The following ANGPT1 variants were observed in gnomAD, a reference collection of about 807,000 sequenced individuals.
ANGPT1 encodes angiopoietin 1.
ANGPT1 carries 17 observed loss-of-function variants against 62.2 expected under a neutral mutation model. That is an observed-to-expected ratio of 0.27 (90% CI 0.19 to 0.41). ANGPT1 has a LOEUF of 0.41. Among genes scored for constraint, ANGPT1 ranks in the 10% least tolerant of loss-of-function variants. The pLI is 1.00. For missense variants in ANGPT1, 478 were observed against 594.9 expected, an observed-to-expected ratio of 0.80 and a Z score of 2.04; for synonymous variants, 199 against 198.9, an observed-to-expected ratio of 1.00 and a Z score of 0.00.
chr8:107,416,673 C>A (rs1810756713), intron 1 of ANGPT1, among the ~76,000 whole-genome samples: 1 of 152,142 alleles, frequency 6.6e-6, no homozygotes, highest in African/African-American at 2.4e-5. Flanking sequence ...GAGGGGAACC[C>A]AGCAAGACCT....
At chr8:107,366,293 G>T (rs147330198) in intron 1 of ANGPT1, among the ~76,000 whole-genome samples, 2 of 152,168 alleles carry the variant, frequency 1.3e-5, no homozygotes, top group Non-Finnish European at 2.9e-5. Context: ...AAATGGGAGA[G>T]CAGAGATTAG....
chr8:107,290,815 A>G (rs1019640952), intron 6 of ANGPT1, among the ~76,000 whole-genome samples: 1 of 152,210 alleles, frequency 6.6e-6, no homozygotes, highest in African/African-American at 2.4e-5. Context: ...ATGATTAAAG[A>G]ATTTCAGTTT....
chr8:107,470,041 A>G (rs2130495211), intron 1 of ANGPT1, among the ~76,000 whole-genome samples: 1 of 152,204 alleles, frequency 6.6e-6, no homozygotes, highest in African/African-American at 2.4e-5. Context: ...AATCTGTAAA[A>G]TGTTCCTTAT....
intron 1 of ANGPT1, among the ~76,000 whole-genome samples, chr8:107,455,353 A>C (rs1005570842): frequency 6.6e-6 from 1 of 152,112 alleles, no homozygotes; most frequent in South Asian, 2.1e-4. Context: ...GTTGTCTTAC[A>C]TATTAAACTA....
chr8:107,259,279 G>C (rs1813438894), intron 8 of ANGPT1, among the ~76,000 whole-genome samples: 1 of 152,042 alleles, frequency 6.6e-6, no homozygotes, highest in Admixed American at 6.5e-5. Flanking sequence ...CAAAGATCTT[G>C]TCACTTCAAG....
At chr8:107,379,141 A>C (rs1350471293) in intron 1 of ANGPT1, among the ~76,000 whole-genome samples, 1 of 152,098 alleles carries the variant, frequency 6.6e-6, no homozygotes, top group Non-Finnish European at 1.5e-5. Flanking sequence ...ATATTTTTTC[A>C]TGAAAACTGC....
chr8:107,442,202 C>T (rs567701184), intron 1 of ANGPT1, among the ~76,000 whole-genome samples: 3 of 152,132 alleles, frequency 2.0e-5, no homozygotes, highest in East Asian at 1.9e-4. Flanking sequence ...TGCTCATGCA[C>T]GTACCTCCTT....
intron 1 of ANGPT1, among the ~76,000 whole-genome samples, chr8:107,491,979 C>G (rs1812970217): frequency 6.6e-6 from 1 of 152,180 alleles, no homozygotes. Context: ...AAAACCTGAG[C>G]TCTCTCAATG....
At chr8:107,388,337 C>T (rs1486826696) in intron 1 of ANGPT1, among the ~76,000 whole-genome samples, 1 of 152,096 alleles carries the variant, frequency 6.6e-6, no homozygotes, top group Non-Finnish European at 1.5e-5. Context: ...ATCACTTGAG[C>T]CCAAGAATTT....
intron 1 of ANGPT1, among the ~76,000 whole-genome samples, chr8:107,371,991 A>G (rs866003491): frequency 3.9e-5 from 6 of 152,278 alleles, no homozygotes; most frequent in Middle Eastern, 3.4e-3. Context: ...CATTGAAAAT[A>G]TATGTATCAT....
chr8:107,352,629 T>C (rs1435185134), intron 1 of ANGPT1, among the ~76,000 whole-genome samples: 5 of 152,202 alleles, frequency 3.3e-5, no homozygotes, highest in African/African-American at 1.2e-4. Flanking sequence ...AAGGGGTCTC[T>C]TAAACCAGAG....
chr8:107,445,912 T>C (rs1386436289), intron 1 of ANGPT1, among the ~76,000 whole-genome samples: 8 of 152,156 alleles, frequency 5.3e-5, no homozygotes, highest in Admixed American at 2.0e-4. Context: ...AATTAATTAA[T>C]TAATTAACTA....
chr8:107,375,602 T>C (rs534776398), intron 1 of ANGPT1, among the ~76,000 whole-genome samples: 37 of 152,172 alleles, frequency 2.4e-4, no homozygotes, highest in Non-Finnish European at 3.8e-4. Context: ...ATATGTGTAT[T>C]GAGCACACAT....
rs565401562 is a variant in ANGPT1 at position 107,385,841 on chromosome 8, C to T, written c.298-38744G>A. 3.9e-5 allele frequency among the ~76,000 whole-genome samples: 6 copies of T among 152,070 alleles called. No individual in the cohort carries two copies. The East Asian group carries it at 1.2e-3, about 29-fold the overall frequency. ...CTTGTTGATGGTTTTTAGCATGAAG[C>T]CATGTTGTATTGTATCAAAAGCCTT... On this transcript the variant is annotated intron_variant, in intron 1 of 8. Transcript: ENST00000517746.
chr8:107,370,603 T>A (rs1816385365), intron 1 of ANGPT1, among the ~76,000 whole-genome samples: 2 of 146,838 alleles, frequency 1.4e-5, no homozygotes, highest in African/African-American at 5.1e-5. Flanking sequence ...CTCAGGAGGC[T>A]GAGGCAAGGG....
chr8:107,299,422 A>ATATATACAC (rs1281291162), intron 5 of ANGPT1, among the ~76,000 whole-genome samples: 4 of 116,148 alleles, frequency 3.4e-5, no homozygotes, highest in African/African-American at 1.2e-4. Flanking sequence ...TATATATATA[A>ATATATACAC]ACATACATAT....
At chr8:107,296,535 C>T (rs1416926086) in intron 5 of ANGPT1, among the ~76,000 whole-genome samples, 1 of 151,924 alleles carries the variant, frequency 6.6e-6, no homozygotes, top group East Asian at 1.9e-4. Flanking sequence ...AGAGAGAATG[C>T]AGATTCCTGT....
At chr8:107,408,488 GA>G (rs773800604) in intron 1 of ANGPT1, among the ~76,000 whole-genome samples, 15 of 140,430 alleles carry the variant, frequency 1.1e-4, no homozygotes, top group Admixed American at 2.2e-4. Context: ...TCTTCGTGCT[GA>G]AAGTAGAAAA....
At chr8:107,403,652 T>C (rs1191725016) in intron 1 of ANGPT1, among the ~76,000 whole-genome samples, 1 of 152,170 alleles carries the variant, frequency 6.6e-6, no homozygotes, top group Non-Finnish European at 1.5e-5. Flanking sequence ...ATTAGAGGGA[T>C]ATTTTAGTTT....
Sources: allele counts gnomAD v4.1 joint callset (sites outside exome capture counted in the v4.1 genomes callset), GRCh38; gene constraint gnomAD v4.1.1; transcripts MANE v1.5; gene names NCBI Gene and HGNC (gene_info 2026-07-23, HGNC 2026-07-21).